SLC24A2: variants seen among roughly 807,000 people sequenced by gnomAD.
SLC24A2 encodes sodium/potassium/calcium exchanger 2.
Under a neutral mutation model 62.0 loss-of-function variants are expected in SLC24A2, and 36 were observed. The ratio of observed to expected loss-of-function variants is 0.58; its 90% CI spans 0.44 to 0.77. The LOEUF is 0.77. Ranked by LOEUF, SLC24A2 falls within the 30% of genes least tolerant of loss-of-function variation. The probability of loss-of-function intolerance (pLI) is 0.00; values close to 1 mark genes in which losing one functional copy is unlikely to be tolerated. For missense variants in SLC24A2, 846 were observed against 817.9 expected (o/e 1.03, Z -0.42); for synonymous variants, 358 against 294.0 (o/e 1.22, Z -2.23).
the SLC24A2 span, among the ~76,000 whole-genome samples, chr9:19,906,551 A>G: frequency 6.6e-6 from 1 of 152,188 alleles, no homozygotes; most frequent in Non-Finnish European, 1.5e-5. Flanking sequence ...TGGTTTTTTG[A>G]AAAGATCAAC....
At chr9:19,837,748 A>T in the SLC24A2 span, among the ~76,000 whole-genome samples, 1 of 152,102 alleles carries the variant, frequency 6.6e-6, no homozygotes, top group African/African-American at 2.4e-5. Context: ...ATGTGCAAAA[A>T]TCACAAGCAT....
the SLC24A2 span, among the ~76,000 whole-genome samples, chr9:20,138,057 G>T: frequency 6.6e-6 from 1 of 152,210 alleles, no homozygotes; most frequent in African/African-American, 2.4e-5. Context: ...TGTGGTCATT[G>T]CCCAGGTCCA....
intron 4 of SLC24A2, among the ~76,000 whole-genome samples, chr9:19,598,442 C>T (rs1020530760): frequency 1.3e-5 from 2 of 152,170 alleles, no homozygotes; most frequent in Non-Finnish European, 2.9e-5. Flanking sequence ...ATCATTTACA[C>T]ATTTTTTCAT....
intron 2 of SLC24A2, among the ~76,000 whole-genome samples, chr9:19,694,163 T>C (rs2118483281): frequency 6.6e-6 from 1 of 151,822 alleles, no homozygotes; most frequent in East Asian, 1.9e-4. Context: ...ATTAGGAAAA[T>C]AATTACCTAT....
chr9:19,984,832 G>T, the SLC24A2 span, among the ~76,000 whole-genome samples: 1 of 152,142 alleles, frequency 6.6e-6, no homozygotes, highest in Non-Finnish European at 1.5e-5. Flanking sequence ...ATATCTACAT[G>T]CAAAATAGTA....
At chr9:19,851,523 C>T in the SLC24A2 span, among the ~76,000 whole-genome samples, 17 of 152,218 alleles carry the variant, frequency 1.1e-4, no homozygotes, top group South Asian at 3.5e-3. Flanking sequence ...GCTTCCCTCC[C>T]TGTGTCCCTG....
the SLC24A2 span, among the ~76,000 whole-genome samples, chr9:19,865,793 C>T: frequency 6.6e-6 from 1 of 152,132 alleles, no homozygotes; most frequent in African/African-American, 2.4e-5. Flanking sequence ...TCTGGGCAAA[C>T]ATTTTTTGAA....
chr9:19,857,032 A>T, the SLC24A2 span, among the ~76,000 whole-genome samples: 2 of 152,254 alleles, frequency 1.3e-5, no homozygotes, highest in Non-Finnish European at 2.9e-5. Context: ...ATTGTTAAAC[A>T]TGGATTTATT....
the SLC24A2 span, among the ~76,000 whole-genome samples, chr9:20,038,355 G>C: frequency 6.6e-6 from 1 of 152,168 alleles, no homozygotes; most frequent in Non-Finnish European, 1.5e-5. Flanking sequence ...TGTTTCAACT[G>C]TTTCCTCTCA....
chr9:19,624,611 A>C lies in SLC24A2; in HGVS notation c.931-2312T>G, dbSNP rs180680257. Among the ~76,000 whole-genome samples, 120 of 152,336 alleles carry C rather than the reference A, an allele frequency of 7.9e-4. 2 individuals are homozygous for C. The highest frequency in any genetic ancestry group is 3.4e-3 in the Middle Eastern group (1 of 294). The stretch of plus-strand genomic sequence containing the variant: ...TGCAGAGACAGGCCTGAAATTCTCT[A>C]TAAAATATCCCACTGTTTAATGTCT... On this transcript the variant is annotated intron_variant, in intron 2 of 10. Transcript: ENST00000341998.
intron 2 of SLC24A2, among the ~76,000 whole-genome samples, chr9:19,669,688 G>C (rs1819360254): frequency 6.6e-6 from 1 of 152,128 alleles, no homozygotes; most frequent in Admixed American, 6.5e-5. Flanking sequence ...TTCAAAACCA[G>C]CAACAGCAAG....
At chr9:20,164,281 T>G in the SLC24A2 span, among the ~76,000 whole-genome samples, 1 of 150,738 alleles carries the variant, frequency 6.6e-6, no homozygotes, top group East Asian at 1.9e-4. Flanking sequence ...CAAACAAATT[T>G]ACAAGAAAAA....
intron 5 of SLC24A2, among the ~76,000 whole-genome samples, chr9:19,592,449 G>T (rs1196210276): frequency 6.6e-6 from 1 of 152,026 alleles, no homozygotes; most frequent in East Asian, 1.9e-4. Flanking sequence ...TTGCTTCATT[G>T]CAAGATATTA....
upstream of SLC24A2, among the ~76,000 whole-genome samples, chr9:19,792,642 A>G (rs554540513): frequency 6.6e-6 from 1 of 150,790 alleles, no homozygotes; most frequent in Admixed American, 6.6e-5. Context: ...TGGGATGCGG[A>G]GGGTGCAGTG....
chr9:19,798,325 C>T, the SLC24A2 span, among the ~76,000 whole-genome samples: 1 of 152,136 alleles, frequency 6.6e-6, no homozygotes, highest in African/African-American at 2.4e-5. Flanking sequence ...AACATTCTTT[C>T]TTAAAATTCC....
the SLC24A2 span, among the ~76,000 whole-genome samples, chr9:20,301,582 C>CTT: frequency 7.1e-6 from 1 of 141,282 alleles, no homozygotes; most frequent in East Asian, 2.1e-4. Context: ...AAATTAAAGC[C>CTT]TTTTTTTTTT....
At chr9:20,054,502 G>T in the SLC24A2 span, among the ~76,000 whole-genome samples, 1 of 151,988 alleles carries the variant, frequency 6.6e-6, no homozygotes, top group African/African-American at 2.4e-5. Context: ...ATTTAGTGGT[G>T]ATTTCTGAGA....
In SLC24A2 at chr9:19,590,246, A is replaced by G. The variant is rs1049394751; in HGVS notation, c.1129+6983T>C. On this transcript the variant is annotated intron_variant, in intron 5 of 10. Transcript: ENST00000341998. ...TTCACTTTAGCAGAGCTTCCACGTC[A>G]TTCATCAACTTCCAGACCCTCATAT... Among the ~76,000 whole-genome samples, 6 of 152,196 alleles carry G rather than the reference A, an allele frequency of 3.9e-5. 1 individual carries two copies. In the East Asian group the frequency reaches 1.2e-3, roughly 29 times the overall value.
chr9:20,017,214 G>C, the SLC24A2 span, among the ~76,000 whole-genome samples: 1 of 152,052 alleles, frequency 6.6e-6, no homozygotes, highest in Non-Finnish European at 1.5e-5. Flanking sequence ...GTAGAGACAG[G>C]GTTTCACCAC....
Sources: gnomAD v4.1 joint callset for allele counts (sites outside exome capture counted in the v4.1 genomes callset) on GRCh38, gnomAD v4.1.1 for gene constraint, MANE v1.5 for transcripts, NCBI Gene and HGNC (gene_info 2026-07-23, HGNC 2026-07-21) for gene names.